Variants in CACNA2D3 observed in about 807,000 individuals in gnomAD.
CACNA2D3 encodes calcium voltage-gated channel auxiliary subunit alpha2delta 3.
A neutral mutation model predicts 160.6 loss-of-function variants in CACNA2D3; 60 were observed. The ratio of observed to expected loss-of-function variants is 0.37; its 90% CI spans 0.30 to 0.46. The LOEUF (loss-of-function observed/expected upper bound fraction) is 0.46, where lower values mean the gene tolerates loss of function less well. Among genes scored for constraint, CACNA2D3 ranks in the 20% least tolerant of loss-of-function variants. CACNA2D3 has a pLI of 1.00. For missense variants in CACNA2D3, 1,205 were observed against 1,365.0 expected (o/e 0.88, Z 1.85); for synonymous variants, 558 against 492.9 (o/e 1.13, Z -1.75).
chr3:54,918,870 G>T (rs776130162), intron 27 of CACNA2D3: 1 of 1,552,740 alleles, frequency 6.4e-7, no homozygotes, highest in Admixed American at 1.9e-5. Context: ...GTGATTCACA[G>T]ATGATGCCGT....
intron 2 of CACNA2D3, among the ~76,000 whole-genome samples, chr3:54,299,261 C>G (rs976009725): frequency 2.6e-5 from 4 of 151,596 alleles, no homozygotes; most frequent in Non-Finnish European, 5.9e-5. Flanking sequence ...ATAGCAGAGG[C>G]AGGGAGGAGG....
intron 17 of CACNA2D3, among the ~76,000 whole-genome samples, chr3:54,853,141 C>A (rs1463953573): frequency 6.6e-6 from 1 of 152,096 alleles, no homozygotes; most frequent in South Asian, 2.1e-4. Flanking sequence ...TCAGATGTCA[C>A]CTCAGAGAAG....
chr3:54,507,593 G>A (rs1701391811), intron 5 of CACNA2D3, among the ~76,000 whole-genome samples: 2 of 152,116 alleles, frequency 1.3e-5, no homozygotes, highest in African/African-American at 4.8e-5. Context: ...GTGTTTTCAT[G>A]GTTCTTATAA....
intron 9 of CACNA2D3, among the ~76,000 whole-genome samples, chr3:54,614,099 A>G (rs1448443166): frequency 6.6e-6 from 1 of 152,186 alleles, no homozygotes; most frequent in African/African-American, 2.4e-5. Context: ...GCTTCTTAAT[A>G]AACATTTGAT....
chr3:54,846,067 C>T (rs756140658), intron 16 of CACNA2D3, among the ~76,000 whole-genome samples: 9 of 151,738 alleles, frequency 5.9e-5, no homozygotes, highest in Non-Finnish European at 1.0e-4. Flanking sequence ...GACATAGGGT[C>T]TTTACAGAAA....
intron 2 of CACNA2D3, among the ~76,000 whole-genome samples, chr3:54,153,554 T>A (rs1471729119): frequency 1.3e-5 from 2 of 152,156 alleles, no homozygotes; most frequent in East Asian, 3.9e-4. Context: ...GAATTGAGTT[T>A]GGGAGGAGAA....
intron 16 of CACNA2D3, among the ~76,000 whole-genome samples, chr3:54,841,743 A>G (rs1698823920): frequency 6.6e-6 from 1 of 152,208 alleles, no homozygotes; most frequent in Non-Finnish European, 1.5e-5. Context: ...CACCCCAGCA[A>G]TAATTTCCAG....
intron 11 of CACNA2D3, among the ~76,000 whole-genome samples, chr3:54,712,955 C>T (rs149670644): frequency 3.9e-5 from 6 of 152,254 alleles, no homozygotes; most frequent in African/African-American, 1.4e-4. Context: ...CATATAACAT[C>T]ACATAATCAC....
chr3:54,933,710 C>T (rs929205322), intron 27 of CACNA2D3, among the ~76,000 whole-genome samples: 2 of 151,912 alleles, frequency 1.3e-5, no homozygotes, highest in African/African-American at 4.8e-5. Context: ...TCAAAACCCA[C>T]TTAATAGGTT....
At chr3:55,032,254 C>T (rs80329525) in intron 35 of CACNA2D3, among the ~76,000 whole-genome samples, 25,433 of 152,156 alleles carry the variant, frequency 0.17, 2,326 homozygotes, top group Admixed American at 0.26. Context: ...CTGTTGGCAT[C>T]CATGTGGATG....
chr3:54,732,643 C>G (rs1021029102), intron 11 of CACNA2D3, among the ~76,000 whole-genome samples: 2 of 152,102 alleles, frequency 1.3e-5, no homozygotes, highest in African/African-American at 2.4e-5. Flanking sequence ...CCTTGTTGTT[C>G]TTTATTGATT....
At chr3:54,168,421 C>T (rs963022315) in intron 2 of CACNA2D3, among the ~76,000 whole-genome samples, 1 of 152,174 alleles carries the variant, frequency 6.6e-6, no homozygotes, top group Admixed American at 6.5e-5. Context: ...GATAAGTGAA[C>T]AGCCGCGCAG....
intron 2 of CACNA2D3, among the ~76,000 whole-genome samples, chr3:54,124,028 ATTG>A (rs1576941575): frequency 1.3e-5 from 2 of 152,284 alleles, no homozygotes; most frequent in Non-Finnish European, 1.5e-5. Flanking sequence ...ACGCTGCACT[ATTG>A]TTTGTCATCC....
At chr3:54,962,398 C>T (rs574241197) in intron 27 of CACNA2D3, among the ~76,000 whole-genome samples, 7 of 152,130 alleles carry the variant, frequency 4.6e-5, no homozygotes, top group Non-Finnish European at 1.0e-4. Flanking sequence ...TCTGCTCACT[C>T]TCAACATAAT....
intron 2 of CACNA2D3, among the ~76,000 whole-genome samples, chr3:54,189,802 A>G (rs550094506): frequency 3.1e-4 from 47 of 152,280 alleles, no homozygotes; most frequent in African/African-American, 1.1e-3. Flanking sequence ...CTACAATTCA[A>G]ACGTGTTGTG....
chr3:54,362,511 C>T (rs990534757), intron 3 of CACNA2D3, among the ~76,000 whole-genome samples: 14 of 152,284 alleles, frequency 9.2e-5, no homozygotes, highest in African/African-American at 2.6e-4. Context: ...CCCACACTCC[C>T]GGGAGGGGAG....
chr3:54,447,281 C>A (rs1700238464), intron 4 of CACNA2D3, among the ~76,000 whole-genome samples: 1 of 151,776 alleles, frequency 6.6e-6, no homozygotes, highest in Admixed American at 6.6e-5. Flanking sequence ...GAATTTGTTG[C>A]CAAGAAGATT....
intron 2 of CACNA2D3, among the ~76,000 whole-genome samples, chr3:54,190,018 C>T (rs146251621): frequency 6.6e-6 from 1 of 152,292 alleles, no homozygotes; most frequent in Non-Finnish European, 1.5e-5. Flanking sequence ...TTATTTGTCC[C>T]AGTTCTGAAA....
At chr3:55,066,382 C>G (rs1704636248) in intron 35 of CACNA2D3, among the ~76,000 whole-genome samples, 1 of 152,132 alleles carries the variant, frequency 6.6e-6, no homozygotes, top group Non-Finnish European at 1.5e-5. Context: ...AAGATTCTAT[C>G]CTGACCAAAT....
Sources: allele counts gnomAD v4.1 joint callset (sites outside exome capture counted in the v4.1 genomes callset), GRCh38; gene constraint gnomAD v4.1.1; transcripts MANE v1.5; gene names NCBI Gene and HGNC (gene_info 2026-07-23, HGNC 2026-07-21).